The following LAMA5 variants were observed in gnomAD, a reference collection of about 807,000 sequenced individuals.
LAMA5 encodes laminin subunit alpha 5.
Under a neutral mutation model 433.4 loss-of-function variants are expected in LAMA5, and 260 were observed. The observed-to-expected ratio is 0.60, with a 90% confidence interval of 0.54 to 0.66. LAMA5 has a LOEUF of 0.66. LAMA5 is among the 30% of genes least tolerant of loss of function. The probability of loss-of-function intolerance (pLI) is 0.00; values close to 1 mark genes in which losing one functional copy is unlikely to be tolerated. For synonymous variants in LAMA5, 2,620 were observed against 2,226.6 expected (o/e 1.18, Z -4.97); for missense variants, 5,378 against 5,258.5 (o/e 1.02, Z -0.70).
chr20:62,323,877 A>G, intron 43 of LAMA5, 21 bp from the exon 44 acceptor site: 2 of 1,589,230 alleles, frequency 1.3e-6, no homozygotes, highest in South Asian at 1.1e-5. Context: ...CAGCAGCGTC[A>G]GTCACTAGGC....
intron 2 of LAMA5, among the ~76,000 whole-genome samples, chr20:62,360,816 A>G (rs1221667262): frequency 6.6e-6 from 1 of 152,062 alleles, no homozygotes; most frequent in Non-Finnish European, 1.5e-5. Context: ...CTAAAAGCAA[A>G]CTGGCTTCAG....
rs544188583 is a variant in LAMA5, at chr20:62,330,699, T to A, written c.3852+44A>T. On this transcript the variant is annotated intron_variant, in intron 30 of 79. Coordinates refer to ENST00000252999, the MANE Select transcript of LAMA5 (RefSeq NM_005560.6). ...ACCTGCCCTGGGTTGGGACCCGGAG[T>A]CCTGCCCTGACACCCCCGTCCCTCT... The A allele has an allele frequency of 4.5e-6, 7 of 1,556,150 alleles. No homozygotes were observed. In the Admixed American group the frequency reaches 7.8e-5, roughly 17 times the overall value.
intron 11 of LAMA5, among the ~76,000 whole-genome samples, chr20:62,343,499 G>C (rs1982903477): frequency 6.6e-6 from 1 of 152,184 alleles, no homozygotes; most frequent in Non-Finnish European, 1.5e-5. Flanking sequence ...ATACAGGCTG[G>C]GCGCAGAGGC....
chr20:62,353,353 G>T, intron 2 of LAMA5, 102 bp from the exon 3 acceptor site: 1 of 821,750 alleles, frequency 1.2e-6, no homozygotes, highest in South Asian at 1.7e-5. Flanking sequence ...CACAGCAGGG[G>T]ATGTGGCACC....
At chr20:62,322,519 G>A (rs551424440) in intron 46 of LAMA5, 70 bp from the exon 47 acceptor site, 5 of 1,498,672 alleles carry the variant, frequency 3.3e-6, no homozygotes, top group East Asian at 2.5e-5. Context: ...GAAGCCAGGG[G>A]TCCTGCCCAT....
Position 62,353,133 on chromosome 20 carries a change from CA to C in LAMA5, c.568del (p.Ser190ProfsTer46), listed in dbSNP as rs761307399. 1 of 1,570,230 alleles carries C rather than the reference CA, an allele frequency of 6.4e-7. No homozygotes were observed. The highest frequency in any genetic ancestry group is 1.2e-5 in the South Asian group (1 of 85,584). ...CAGGCCCCACGGCGGCAGAGACTCACAGGCAAAGAACTGCCAGGGCTGGTAG... is the reference window on the plus strand; with the variant it reads ...CAGGCCCCACGGCGGCAGAGACTCACGGCAAAGAACTGCCAGGGCTGGTAG... Reference protein sequence around the residue: ...RTYQPWQFFASSKRDCLERFG... With the variant: ...RTYQPWQFFAXSKRDCLERFG... On this transcript the variant is annotated frameshift_variant and splice_region_variant, in exon 3 of 80. Transcript: ENST00000252999. LOFTEE classifies it high-confidence loss of function.
Position 62,313,361 on chromosome 20 carries a change from G to A in LAMA5, c.8758C>T (p.Gln2920Ter), listed in dbSNP as rs769659614. 1 of 1,582,910 alleles carries A rather than the reference G, an allele frequency of 6.3e-7. No homozygotes were observed. The highest frequency in any genetic ancestry group is 1.2e-5 in the South Asian group (1 of 86,930). Residue 2920 changes from glutamine (Q) to a stop codon, truncating the protein, a stop_gained, in exon 64 of 80, where the codon CAG (glutamine) becomes TAG (stop). Transcript: ENST00000252999. LOFTEE classifies it high-confidence loss of function. ...GGCCTGTCCACAGCCGTGTCCAGCTGGAAGGTCCTCTCGAAGTTGTAGAGG... is the reference window on the plus strand; with the variant it reads ...GGCCTGTCCACAGCCGTGTCCAGCTAGAAGGTCCTCTCGAAGTTGTAGAGG... ...VSLYNFERTF[Q>*]LDTAVDRPCA...
At chr20:62,365,128 G>C (rs1986577168) in intron 1 of LAMA5, among the ~76,000 whole-genome samples, 1 of 152,264 alleles carries the variant, frequency 6.6e-6, no homozygotes, top group Non-Finnish European at 1.5e-5. Context: ...GGCACTCACT[G>C]CTCAGAGCTC....
At chr20:62,347,133 GC>G (rs1200145337) in intron 6 of LAMA5, 105 bp from the exon 7 acceptor site, 11 of 825,046 alleles carry the variant, frequency 1.3e-5, no homozygotes, top group South Asian at 3.2e-5. Flanking sequence ...GGCTTGGCTT[GC>G]CACATGGACA....
At chr20:62,315,272 A>G (rs1986820008) in intron 58 of LAMA5, 65 bp from the exon 59 acceptor site, 2 of 1,411,348 alleles carry the variant, frequency 1.4e-6, no homozygotes, top group African/African-American at 1.4e-5. Context: ...CATGTCCCCA[A>G]GTCTTTCTGT....
chr20:62,321,161 G>GT (rs1987665077), intron 48 of LAMA5, among the ~76,000 whole-genome samples: 1 of 141,568 alleles, frequency 7.1e-6, no homozygotes, highest in African/African-American at 2.8e-5. Flanking sequence ...CAGTGAAGGG[G>GT]CGGGGCCGGT....
Position 62,310,811 on chromosome 20 carries a change from T to G in LAMA5, c.10300A>C (p.Lys3434Gln). ...RWHKVSVRWE[K>Q]NRILLVTDGA... is the part of the protein sequence containing the mutation. ...TCCGTCACCAGCAGGATCCGGTTCT[T>G]CTCCCAGCGCACGGAGACCTGGGGG... The change falls in exon 75 of 80, where the codon AAG becomes CAG. Residue 3434 changes from lysine to glutamine, a missense_variant. Lys to Gln is a moderately conservative substitution (Grantham distance 53). Coordinates refer to ENST00000252999, the MANE Select transcript of LAMA5 (RefSeq NM_005560.6). 6.4e-7 allele frequency: 1 copy of G among 1,555,876 alleles called. No homozygotes were observed. Among genetic ancestry groups the G allele is most frequent in the Non-Finnish European group, 8.7e-7 (1 of 1,150,294 alleles).
intron 11 of LAMA5, among the ~76,000 whole-genome samples, chr20:62,339,764 T>A (rs146890481): frequency 6.6e-6 from 1 of 151,850 alleles, no homozygotes; most frequent in South Asian, 2.1e-4. Flanking sequence ...CACGTTTTCT[T>A]GCTCTAACTT....
chr20:62,346,472 G>T (rs1189265549), intron 9 of LAMA5, 34 bp downstream of exon 9: 3 of 1,540,034 alleles, frequency 1.9e-6, no homozygotes, highest in South Asian at 2.4e-5. Flanking sequence ...CAGACCCTGA[G>T]ACCCAGGACA....
intron 2 of LAMA5, among the ~76,000 whole-genome samples, chr20:62,353,615 G>C (rs1164436796): frequency 6.6e-6 from 1 of 152,144 alleles, no homozygotes; most frequent in African/African-American, 2.4e-5. Context: ...GCCCAGGCAG[G>C]GACTGGCCAG....
At chr20:62,315,887 G>A (rs949178301) in intron 58 of LAMA5, 61 bp downstream of exon 58, 30 of 1,280,926 alleles carry the variant, frequency 2.3e-5, no homozygotes, top group African/African-American at 1.8e-4. Context: ...TGTGGCCAGC[G>A]CCACTGTCAC....
At position 62,353,259 on chromosome 20, in the gene LAMA5, CCGAGAGGGCGT is replaced by C. The variant is rs766777338; in HGVS notation, c.451-19_451-9del. 1 of 1,583,558 alleles carries C rather than the reference CCGAGAGGGCGT, an allele frequency of 6.3e-7. No homozygotes were observed. Among genetic ancestry groups the C allele is most frequent in the South Asian group, 1.1e-5 (1 of 87,366 alleles). On this transcript the variant is annotated splice_polypyrimidine_tract_variant and intron_variant, in intron 2 of 79. Coordinates refer to ENST00000252999, the MANE Select transcript of LAMA5 (RefSeq NM_005560.6). ...GTAGGCCACGTGGAAGACCTGTGGGCCGAGAGGGCGTCAGGGGAGCCAGGGGCGCCTGGATT... is the reference window on the plus strand; with the variant it reads ...GTAGGCCACGTGGAAGACCTGTGGGCCAGGGGAGCCAGGGGCGCCTGGATT...
rs114397280 is a variant in LAMA5 at position 62,316,382 on chromosome 20, G to A, written c.7756+289C>T. ...GCAGCTTGGCACGCGTGTAGCCCTC[G>A]GGTCAGCAGAGCAGAGGCCACGTAT... On this transcript the variant is annotated intron_variant, in intron 57 of 79. Transcript: ENST00000252999. The A allele has an allele frequency of 2.9e-3, 1,545 of 537,986 alleles. 12 individuals carry two copies. Among genetic ancestry groups the A allele is most frequent in the African/African-American group, 0.025 (1,336 of 53,158 alleles). 33.3% of individuals were successfully genotyped at this position (537,986 alleles called of 1,614,324 possible). A position where few individuals can be genotyped will look rare whatever the true frequency, so the allele number is the denominator to read the frequency against.
intron 36 of LAMA5, 37 bp downstream of exon 36, chr20:62,327,829 G>A (rs1308908586): frequency 1.9e-6 from 3 of 1,586,456 alleles, no homozygotes; most frequent in East Asian, 2.2e-5. Context: ...GATGAGGCCG[G>A]AGGGAGAGGC....
Sources: allele counts gnomAD v4.1 joint callset (sites outside exome capture counted in the v4.1 genomes callset), GRCh38; gene constraint gnomAD v4.1.1; transcripts MANE v1.5; gene names NCBI Gene and HGNC (gene_info 2026-07-23, HGNC 2026-07-21).